AP1M1: variants seen among roughly 807,000 people sequenced by gnomAD.
AP1M1 encodes the protein AP-1 complex subunit mu-1.
A neutral mutation model predicts 57.1 loss-of-function variants in AP1M1; 18 were observed. That is an observed-to-expected ratio of 0.32 (90% CI 0.22 to 0.47). AP1M1 has a LOEUF of 0.47. Among genes scored for constraint, AP1M1 ranks in the 20% least tolerant of loss-of-function variants. The pLI is 1.00. For missense variants in AP1M1, 362 were observed against 593.5 expected (o/e 0.61, Z 4.05); for synonymous variants, 241 against 237.9 (o/e 1.01, Z -0.12).
chr19:16,203,307 C>G lies in AP1M1; in HGVS notation c.43-152C>G, dbSNP rs886105746. The G allele has an allele frequency of 1.9e-5, 14 of 721,754 alleles. No individual in the cohort carries two copies. The African/African-American group carries it at 2.5e-4, about 13-fold the overall frequency. 44.7% of individuals were successfully genotyped at this position (721,754 alleles called of 1,614,324 possible). A position where few individuals can be genotyped will look rare whatever the true frequency, so the allele number is the denominator to read the frequency against. Reference sequence around the variant, plus strand: ...CAGGAATTCCCTGGGGGATGGAGATCAGAACGGCCTCAAGTCCTGCTCTTT... The same window carrying G: ...CAGGAATTCCCTGGGGGATGGAGATGAGAACGGCCTCAAGTCCTGCTCTTT... On this transcript the variant is annotated intron_variant, in intron 1 of 11. Transcript: ENST00000291439. This position sits in a 1 kb window ranked among gnomAD's most constrained non-coding sequence, Gnocchi z 4.6.
intron 2 of AP1M1, among the ~76,000 whole-genome samples, chr19:16,204,784 C>G (rs529892660): frequency 6.7e-6 from 1 of 149,984 alleles, no homozygotes; most frequent in South Asian, 2.1e-4. Flanking sequence ...GTAGATTTCA[C>G]CTGGCTCTGG....
chr19:16,233,682 A>C, intron 10 of AP1M1, 64 bp downstream of exon 10: 2 of 1,537,188 alleles, frequency 1.3e-6, no homozygotes, highest in Non-Finnish European at 8.8e-7. Context: ...ACAGATATCA[A>C]TGCAGCCAGC....
Position 16,205,669 on chromosome 19 carries a change from A to G in AP1M1, c.200-672A>G, listed in dbSNP as rs139782364. ...ACCAGCCTTCTCTGGCGGCCCGGGG[A>G]CCCATTAGGGAAAAAGGAATAGGAA... On this transcript the variant is annotated intron_variant, in intron 2 of 11. Transcript: ENST00000291439. 7.2e-5 allele frequency among the ~76,000 whole-genome samples: 11 copies of G among 152,254 alleles called. No homozygotes were observed. The East Asian group carries it at 2.1e-3, about 29-fold the overall frequency.
rs2290658 is a variant in AP1M1, at chr19:16,207,886, A to G, written c.268-133A>G. Reference sequence around the variant, plus strand: ...ACCTGGGTCCAGGGCCCTGTAGCACACCACCGAGCCTGGGAAGTAGGCTGT... The same window carrying G: ...ACCTGGGTCCAGGGCCCTGTAGCACGCCACCGAGCCTGGGAAGTAGGCTGT... On this transcript the variant is annotated intron_variant, in intron 3 of 11. Coordinates refer to ENST00000291439, the MANE Select transcript of AP1M1 (RefSeq NM_032493.4). This position sits in a 1 kb window ranked among gnomAD's most constrained non-coding sequence, Gnocchi z 4.2. 0.76 allele frequency: 925,269 copies of G among 1,220,502 alleles called. 357,891 individuals are homozygous for G. Among genetic ancestry groups the G allele is most frequent in the Non-Finnish European group, 0.8 (706,310 of 879,242 alleles). 75.6% of individuals were successfully genotyped at this position (1,220,502 alleles called of 1,614,324 possible).
At chr19:16,221,090 CA>C (rs1361149225) in intron 5 of AP1M1, among the ~76,000 whole-genome samples, 1 of 152,166 alleles carries the variant, frequency 6.6e-6, no homozygotes, top group East Asian at 1.9e-4. Flanking sequence ...GGGAAGTTAT[CA>C]ATCATTGTTT....
rs1388013150 is a variant in AP1M1, at chr19:16,201,586, C to T, written c.43-1873C>T. Among the ~76,000 whole-genome samples the T allele has an allele frequency of 2.6e-5, 4 of 152,106 alleles. 1 individual carries two copies. The East Asian group carries it at 7.7e-4, about 29-fold the overall frequency. On this transcript the variant is annotated intron_variant, in intron 1 of 11. Coordinates refer to ENST00000291439, the MANE Select transcript of AP1M1 (RefSeq NM_032493.4). The stretch of plus-strand genomic sequence containing the variant: ...GCTAATTTTGTATTTTTAGTAGAGA[C>T]AGGGTTTCACCATATTGGTCAGGCT...
At chr19:16,209,946 A>T (rs2091486705) in intron 5 of AP1M1, among the ~76,000 whole-genome samples, 1 of 152,216 alleles carries the variant, frequency 6.6e-6, no homozygotes, top group African/African-American at 2.4e-5. Flanking sequence ...ACAGAACCTC[A>T]AAACCTCCTC....
intron 5 of AP1M1, 39 bp from the exon 6 acceptor site, chr19:16,226,382 G>C: frequency 4.6e-6 from 7 of 1,508,912 alleles, no homozygotes; most frequent in Non-Finnish European, 6.2e-6. Flanking sequence ...TGGCTGGTGA[G>C]TTGGGGACCT....
chr19:16,202,255 C>T (rs1366447774), intron 1 of AP1M1, among the ~76,000 whole-genome samples: 1 of 152,220 alleles, frequency 6.6e-6, no homozygotes, highest in East Asian at 1.9e-4. Flanking sequence ...CCGCAATGGC[C>T]TTCTCAGCAT....
At position 16,233,547 on chromosome 19, in the gene AP1M1, G is replaced by A. The variant is rs757515218; in HGVS notation, c.1102G>A (p.Glu368Lys). ...AHFGLPSVEA[E>K]DKEGKPPISV... ...CTTCGGCCTGCCTAGTGTGGAGGCC[G>A]AAGACAAGGAGGGCAAGCCCCCGAT... is the stretch of plus-strand genomic sequence containing the variant. The change falls in exon 10 of 12, where the codon GAA (glutamate) becomes AAA (lysine). Residue 368 changes from glutamate (E) to lysine (K), a missense_variant. Glu to Lys is a moderately conservative substitution (Grantham distance 56). Transcript: ENST00000291439. 9 of 1,607,710 alleles carry A rather than the reference G, an allele frequency of 5.6e-6. No homozygotes were observed. Among genetic ancestry groups the A allele is most frequent in the South Asian group, 1.1e-5 (1 of 89,820 alleles).
rs183968281 is a variant in AP1M1 at position 16,213,603 on chromosome 19, T to C, written c.546+4426T>C. Among the ~76,000 whole-genome samples, 663 of 152,188 alleles carry C rather than the reference T, an allele frequency of 4.4e-3. 4 individuals carry two copies. Among genetic ancestry groups the C allele is most frequent in the African/African-American group, 0.015 (622 of 41,524 alleles). On this transcript the variant is annotated intron_variant, in intron 5 of 11. Coordinates refer to ENST00000291439, the MANE Select transcript of AP1M1 (RefSeq NM_032493.4). ...TCTGTCCCCCAGGTTCAAGCAATTC[T>C]CCTGCCTCAGCCTCCCAAATAGTTG... is the stretch of plus-strand genomic sequence containing the variant.
At chr19:16,224,538 C>A (rs2091561979) in intron 5 of AP1M1, among the ~76,000 whole-genome samples, 1 of 152,244 alleles carries the variant, frequency 6.6e-6, no homozygotes, top group African/African-American at 2.4e-5. Flanking sequence ...AGCATCCCTT[C>A]AGCACCCGCC....
rs2091627942 is a variant in AP1M1, at chr19:16,237,100, C to T, written c.*2665C>T. ...GAAAAAGAGAACCTAACAAAATGGG[C>T]TGTGTGTGAACAGACAGTATGAAGA... On this transcript the variant is annotated 3_prime_UTR_variant, in exon 12 of 12. Coordinates refer to ENST00000291439, the MANE Select transcript of AP1M1 (RefSeq NM_032493.4). 1 of 152,206 alleles carries T rather than the reference C, an allele frequency of 6.6e-6. No homozygotes were observed. The highest frequency in any genetic ancestry group is 6.6e-5 in the Admixed American group (1 of 15,264). The allele number at this position is 152,206 out of a possible 1,614,324, so 9.4% of individuals were successfully genotyped here.
chr19:16,230,155 G>A (rs1434461696), intron 9 of AP1M1, among the ~76,000 whole-genome samples: 1 of 152,066 alleles, frequency 6.6e-6, no homozygotes, highest in Non-Finnish European at 1.5e-5. Context: ...ATTTTACTTC[G>A]AAGCCATGCA....
rs201370085 is a variant in AP1M1 at position 16,227,508 on chromosome 19, G to A, written c.674-40G>A. The A allele has an allele frequency of 2.9e-3, 4,665 of 1,596,044 alleles. 12 individuals carry two copies. Among genetic ancestry groups the A allele is most frequent in the Non-Finnish European group, 3.6e-3 (4,217 of 1,165,550 alleles). ...AGGAGTACTGCTGAGATAGTGACCCGGAGGGCCCAGATCTGTCCTACCCTC... is the reference window on the plus strand; with the variant it reads ...AGGAGTACTGCTGAGATAGTGACCCAGAGGGCCCAGATCTGTCCTACCCTC... On this transcript the variant is annotated intron_variant, in intron 6 of 11. Transcript: ENST00000291439. The surrounding 1 kb of genome is among the most constrained non-coding windows in gnomAD (Gnocchi z 6.2).
intron 2 of AP1M1, among the ~76,000 whole-genome samples, chr19:16,204,623 G>T (rs903793880): frequency 2.0e-5 from 3 of 152,194 alleles, no homozygotes; most frequent in South Asian, 4.1e-4. Context: ...CAGAATATCC[G>T]CTGGGAGCCC....
rs571935352 is a variant in AP1M1 at position 16,223,342 on chromosome 19, T to G, written c.547-3079T>G. 6.6e-5 allele frequency among the ~76,000 whole-genome samples: 10 copies of G among 152,310 alleles called. 1 individual carries two copies. The South Asian group carries it at 1.9e-3, about 28-fold the overall frequency. On this transcript the variant is annotated intron_variant, in intron 5 of 11. Transcript: ENST00000291439. Reference sequence around the variant, plus strand: ...GTATATGCACAGGATTCACAGATGCTCGATTCTAGAGAGTTCTGGAGACAT... The same window carrying G: ...GTATATGCACAGGATTCACAGATGCGCGATTCTAGAGAGTTCTGGAGACAT...
chr19:16,223,882 T>C (rs918026811), intron 5 of AP1M1, among the ~76,000 whole-genome samples: 11 of 152,238 alleles, frequency 7.2e-5, no homozygotes, highest in Non-Finnish European at 8.8e-5. Context: ...AGCCGCTTGC[T>C]TTCTTTTGTG....
In AP1M1 at chr19:16,206,274, A is replaced by T. The variant is rs990643919; in HGVS notation, c.200-67A>T. The T allele has an allele frequency of 5.8e-6, 9 of 1,554,302 alleles. No individual in the cohort carries two copies. The highest frequency in any genetic ancestry group is 7.1e-6 in the Non-Finnish European group (8 of 1,127,262). On this transcript the variant is annotated intron_variant, in intron 2 of 11. Transcript: ENST00000291439. This position sits in a 1 kb window ranked among gnomAD's most constrained non-coding sequence, Gnocchi z 4.3. ...GTTGTGAGGGTTAGGGGGTCCCTCC[A>T]TGAACCAGGATCTTCCAGGCAGCAG...
Sources: allele counts gnomAD v4.1 joint callset (sites outside exome capture counted in the v4.1 genomes callset), GRCh38; gene constraint gnomAD v4.1.1; non-coding constraint Gnocchi (gnomAD v3.1); transcripts MANE v1.5; gene names NCBI Gene and HGNC (gene_info 2026-07-23, HGNC 2026-07-21).